Variants in UTY observed in about 807,000 individuals in gnomAD.
UTY encodes ubiquitously transcribed tetratricopeptide repeat containing, Y-linked, also known as histone demethylase UTY.
In UTY, 12 loss-of-function variants were observed where a neutral mutation model predicts 32.5. The observed-to-expected ratio is 0.37, with a 90% confidence interval of 0.24 to 0.60. UTY has a LOEUF of 0.60. Ranked by LOEUF, UTY falls within the 20% of genes least tolerant of loss-of-function variation. UTY has a pLI of 0.69. For missense variants in UTY, 303 were observed against 299.2 expected (o/e 1.01, Z -0.09); for synonymous variants, 131 against 103.4 (o/e 1.27, Z -1.62).
chrY:13,445,103 C>T, intron 4 of UTY, among the ~76,000 whole-genome samples: 1 of 23,049 alleles, frequency 4.3e-5, no homozygotes, highest in Admixed American at 3.9e-4. Flanking sequence ...CTGCAGTGAG[C>T]CAAGATCCAC....
chrY:13,383,018 G>A (rs2066302911), intron 8 of UTY, among the ~76,000 whole-genome samples: 1 of 33,374 alleles, frequency 3.0e-5, no homozygotes, highest in Non-Finnish European at 7.4e-5. Flanking sequence ...AGGACATACT[G>A]GGCCGGGCGC....
intron 3 of UTY, among the ~76,000 whole-genome samples, chrY:13,455,983 T>C (rs747400971): frequency 0.023 from 720 of 31,584 alleles, no homozygotes; most frequent in Non-Finnish European, 0.042. Context: ...CACAGCCATA[T>C]TGGAATGAGC....
chrY:13,366,415 C>T, intron 9 of UTY, 22 bp from the exon 10 acceptor site: 1 of 325,771 alleles, frequency 3.1e-6, no homozygotes, highest in Non-Finnish European at 4.1e-6. Context: ...AAGTTATAAG[C>T]ATTTACCCAT....
intron 27 of UTY, among the ~76,000 whole-genome samples, chrY:13,274,680 C>T: frequency 6.3e-4 from 19 of 30,231 alleles, no homozygotes; most frequent in Admixed American, 4.8e-3. Flanking sequence ...CTACGAGGGA[C>T]GCTGAGGCAG....
chrY:13,426,232 G>GA (rs2073255725), intron 4 of UTY, among the ~76,000 whole-genome samples: 2 of 31,309 alleles, frequency 6.4e-5, no homozygotes, highest in East Asian at 1.6e-3. Flanking sequence ...TAACTGAACA[G>GA]AAAAAAAAAT....
intron 28 of UTY, 22 bp downstream of exon 28, chrY:13,260,256 A>C: frequency 2.5e-6 from 1 of 393,074 alleles, no homozygotes; most frequent in Non-Finnish European, 3.6e-6. Flanking sequence ...CAAAACAACT[A>C]TCAGTAGAAA....
chrY:13,467,481 A>AC (rs2078018872), intron 3 of UTY, among the ~76,000 whole-genome samples: 3 of 34,380 alleles, frequency 8.7e-5, no homozygotes, highest in Non-Finnish European at 2.2e-4. Flanking sequence ...GAAATTTAAA[A>AC]ATACACGCCA....
At chrY:13,436,603 A>G in intron 4 of UTY, among the ~76,000 whole-genome samples, 1 of 32,343 alleles carries the variant, frequency 3.1e-5, no homozygotes, top group African/African-American at 1.2e-4. Context: ...AGTGCATGCT[A>G]AAGAATTTCA....
intron 27 of UTY, among the ~76,000 whole-genome samples, chrY:13,276,028 TG>T (rs2056657880): frequency 3.0e-5 from 1 of 33,217 alleles, no homozygotes; most frequent in Non-Finnish European, 7.4e-5. Flanking sequence ...ACAGACCATT[TG>T]AAGTCAGGAG....
chrY:13,394,698 T>C, intron 7 of UTY, among the ~76,000 whole-genome samples: 1 of 33,547 alleles, frequency 3.0e-5, no homozygotes, highest in Non-Finnish European at 7.4e-5. Flanking sequence ...ATAAACAGAA[T>C]ACTTATATTT....
At chrY:13,299,698 G>C (rs1569440091) in intron 25 of UTY, among the ~76,000 whole-genome samples, 1 of 33,075 alleles carries the variant, frequency 3.0e-5, no homozygotes, top group East Asian at 7.8e-4. Context: ...TGGAGGCTTG[G>C]GCTAGGGTCC....
Position 13,248,886 on chromosome Y carries a change from A to AATT in UTY, c.*969_*970insAAT, listed in dbSNP as rs2053990350. 2 of 38,426 alleles carry AATT rather than the reference A, an allele frequency of 5.2e-5. No homozygotes were observed. The highest frequency in any genetic ancestry group is 1.2e-3 in the South Asian group (2 of 1,608). 9.6% of individuals were successfully genotyped at this position (38,426 alleles called of 400,897 possible). A position where few individuals can be genotyped will look rare whatever the true frequency, so the allele number is the denominator to read the frequency against. ...CATAGATGTAAAAAATAAAACTTTT[A>AATT]AAATCTATACAATTATATATCGAGG... On this transcript the variant is annotated 3_prime_UTR_variant, in exon 30 of 30. Transcript: ENST00000545955.
At chrY:13,437,399 T>C in intron 4 of UTY, among the ~76,000 whole-genome samples, 1 of 33,738 alleles carries the variant, frequency 3.0e-5, no homozygotes, top group Non-Finnish European at 7.3e-5. Flanking sequence ...CAAGCAATAA[T>C]TGATACGAGA....
chrY:13,395,163 C>T, intron 7 of UTY, among the ~76,000 whole-genome samples: 1 of 32,302 alleles, frequency 3.1e-5, no homozygotes, highest in African/African-American at 1.2e-4. Flanking sequence ...AAGATAATAA[C>T]CTCTCCCTCA....
At chrY:13,276,485 G>A (rs1050016614) in intron 27 of UTY, among the ~76,000 whole-genome samples, 1 of 33,459 alleles carries the variant, frequency 3.0e-5, no homozygotes, top group Non-Finnish European at 7.5e-5. Context: ...TGAGGCGGGC[G>A]GATCACGAGG....
chrY:13,297,007 T>C, intron 27 of UTY, among the ~76,000 whole-genome samples: 1 of 33,940 alleles, frequency 2.9e-5, no homozygotes, highest in Non-Finnish European at 7.3e-5. Context: ...TCAGCTATAT[T>C]TGGCAAAAAG....
chrY:13,458,202 T>A, intron 3 of UTY, among the ~76,000 whole-genome samples: 1 of 33,774 alleles, frequency 3.0e-5, no homozygotes, highest in Non-Finnish European at 7.4e-5. Context: ...TTTGCTATTG[T>A]GAATAGTGCC....
chrY:13,336,853 C>A (rs2061128654), intron 17 of UTY, among the ~76,000 whole-genome samples: 1 of 33,075 alleles, frequency 3.0e-5, no homozygotes, highest in Non-Finnish European at 7.5e-5. Flanking sequence ...CCTATAAATA[C>A]CCAAATGTGT....
At chrY:13,351,246 C>T in intron 17 of UTY, among the ~76,000 whole-genome samples, 1 of 32,860 alleles carries the variant, frequency 3.0e-5, no homozygotes, top group Non-Finnish European at 7.4e-5. Flanking sequence ...AAATATTGAA[C>T]AGCTTGCATG....
Sources: gnomAD v4.1 joint callset for allele counts (sites outside exome capture counted in the v4.1 genomes callset) on GRCh38, gnomAD v4.1.1 for gene constraint, MANE v1.5 for transcripts, NCBI Gene and HGNC (gene_info 2026-07-23, HGNC 2026-07-21) for gene names.